The following NXPH1 variants were observed in gnomAD, a reference collection of about 807,000 sequenced individuals.
The protein encoded by NXPH1 is neurexophilin-1.
In NXPH1, 5 loss-of-function variants were observed where a neutral mutation model predicts 23.7. That is an observed-to-expected ratio of 0.21 (90% confidence interval 0.11 to 0.44). NXPH1 has a LOEUF of 0.44. NXPH1 is among the 20% of genes least tolerant of loss of function. The probability of loss-of-function intolerance (pLI) is 0.99; values close to 1 mark genes in which losing one functional copy is unlikely to be tolerated. For synonymous variants in NXPH1, 144 were observed against 122.2 expected, an observed-to-expected ratio of 1.18 and a Z score of -1.18; for missense variants, 324 against 321.6, an observed-to-expected ratio of 1.01 and a Z score of -0.06.
intron 2 of NXPH1, among the ~76,000 whole-genome samples, chr7:8,510,367 C>T (rs1429853869): frequency 6.6e-6 from 1 of 152,036 alleles, no homozygotes; most frequent in African/African-American, 2.4e-5. Flanking sequence ...CAACTACCTT[C>T]TGAGGTAACT....
intron 2 of NXPH1, among the ~76,000 whole-genome samples, chr7:8,626,423 C>T (rs1025547129): frequency 2.0e-5 from 3 of 150,252 alleles, no homozygotes; most frequent in African/African-American, 4.9e-5. Flanking sequence ...ACTTACCTTA[C>T]TCCAGATCTA....
chr7:8,523,444 C>CAA (rs1189654622), intron 2 of NXPH1, among the ~76,000 whole-genome samples: 1 of 152,150 alleles, frequency 6.6e-6, no homozygotes, highest in African/African-American at 2.4e-5. Context: ...TATGACTGTA[C>CAA]ATTTGTCCTT....
chr7:8,446,981 C>T (rs79433225), intron 2 of NXPH1, among the ~76,000 whole-genome samples: 543 of 152,064 alleles, frequency 3.6e-3, no homozygotes, highest in African/African-American at 0.012. Flanking sequence ...GAAACAGTGC[C>T]GTGACTTATC....
At position 8,487,051 on chromosome 7, in the gene NXPH1, T is replaced by C. The variant is rs561684571; in HGVS notation, c.54+51284T>C. 9.8e-5 allele frequency among the ~76,000 whole-genome samples: 15 copies of C among 152,286 alleles called. No individual in the cohort carries two copies. In the South Asian group the frequency reaches 3.1e-3, roughly 32 times the overall value. ...GTTTTTTTCATTTATCATTGCACAT[T>C]GAGAGCCTTTAGAGTACTTAACATA... On this transcript the variant is annotated intron_variant, in intron 2 of 2. Coordinates refer to ENST00000405863, the MANE Select transcript of NXPH1 (RefSeq NM_152745.3).
chr7:8,720,033 TA>T (rs1195639869), intron 2 of NXPH1, among the ~76,000 whole-genome samples: 1 of 152,186 alleles, frequency 6.6e-6, no homozygotes, highest in Non-Finnish European at 1.5e-5. Context: ...AGTGTCTGTA[TA>T]AGCACCTGGT....
At chr7:8,708,489 T>C (rs1196488982) in intron 2 of NXPH1, among the ~76,000 whole-genome samples, 1 of 152,122 alleles carries the variant, frequency 6.6e-6, no homozygotes, top group Non-Finnish European at 1.5e-5. Flanking sequence ...GCCTCCCGTG[T>C]AGCTGGGATT....
chr7:8,715,142 C>T (rs1287946787), intron 2 of NXPH1, among the ~76,000 whole-genome samples: 1 of 152,162 alleles, frequency 6.6e-6, no homozygotes, highest in Non-Finnish European at 1.5e-5. Context: ...GGCAATTCCC[C>T]TCTGGCTATG....
intron 2 of NXPH1, among the ~76,000 whole-genome samples, chr7:8,579,352 A>C (rs904069499): frequency 1.4e-5 from 2 of 144,478 alleles, no homozygotes; most frequent in African/African-American, 5.6e-5. Context: ...CATGGAATTC[A>C]AGTTTTTTTT....
intron 2 of NXPH1, among the ~76,000 whole-genome samples, chr7:8,666,137 A>G (rs897285209): frequency 2.6e-5 from 4 of 151,924 alleles, no homozygotes; most frequent in African/African-American, 9.7e-5. Context: ...ATCATAGATA[A>G]AAGCTTTCAA....
Position 8,687,936 on chromosome 7 carries a change from G to A in NXPH1, c.55-63072G>A, listed in dbSNP as rs551184840. Among the ~76,000 whole-genome samples the A allele has an allele frequency of 3.3e-5, 5 of 151,982 alleles. No homozygotes were observed. The South Asian group carries it at 8.3e-4, about 25-fold the overall frequency. On this transcript the variant is annotated intron_variant, in intron 2 of 2. Transcript: ENST00000405863. ...TCAGGCTCTGTTGCTTTTTTTCCACGTGGTACAAATACATGCAGAGTTGAT... is the reference window on the plus strand; with the variant it reads ...TCAGGCTCTGTTGCTTTTTTTCCACATGGTACAAATACATGCAGAGTTGAT...
chr7:8,662,193 C>T (rs1442902319), intron 2 of NXPH1, among the ~76,000 whole-genome samples: 1 of 150,108 alleles, frequency 6.7e-6, no homozygotes, highest in African/African-American at 2.5e-5. Context: ...TATATATACA[C>T]ACATATATAT....
At chr7:8,456,641 T>G (rs2128606249) in intron 2 of NXPH1, among the ~76,000 whole-genome samples, 1 of 152,332 alleles carries the variant, frequency 6.6e-6, no homozygotes, top group East Asian at 1.9e-4. Context: ...TTTTTTTGTC[T>G]ATTTGATTTT....
At chr7:8,559,079 C>T (rs1025581583) in intron 2 of NXPH1, among the ~76,000 whole-genome samples, 13 of 151,538 alleles carry the variant, frequency 8.6e-5, no homozygotes, top group Admixed American at 4.0e-4. Flanking sequence ...TGACTTCCAC[C>T]TCAGCCTGCT....
chr7:8,710,237 G>A (rs774589590), intron 2 of NXPH1, among the ~76,000 whole-genome samples: 68 of 152,280 alleles, frequency 4.5e-4, no homozygotes, highest in Non-Finnish European at 6.8e-4. Context: ...CAGACAGAAA[G>A]GTTGGGCAGC....
chr7:8,457,311 C>T (rs974699995), intron 2 of NXPH1, among the ~76,000 whole-genome samples: 8 of 152,120 alleles, frequency 5.3e-5, no homozygotes, highest in African/African-American at 1.2e-4. Context: ...AATCAGAGAG[C>T]CTCTTCCTAA....
chr7:8,573,977 T>C (rs576621851), intron 2 of NXPH1, among the ~76,000 whole-genome samples: 1 of 152,114 alleles, frequency 6.6e-6, no homozygotes, highest in Admixed American at 6.5e-5. Context: ...AGGTGTACTC[T>C]GGTGGTATAC....
At position 8,474,377 on chromosome 7, in the gene NXPH1, A is replaced by G. The variant is rs189098655; in HGVS notation, c.54+38610A>G. ...TTTATTAATAACTATTGTTTTATAT[A>G]TAGTACCAAATTGGGAAATATAGAG... On this transcript the variant is annotated intron_variant, in intron 2 of 2. Coordinates refer to ENST00000405863, the MANE Select transcript of NXPH1 (RefSeq NM_152745.3). Among the ~76,000 whole-genome samples the G allele has an allele frequency of 1.1e-4, 17 of 152,256 alleles. No individual in the cohort carries two copies. The South Asian group carries it at 2.7e-3, about 24-fold the overall frequency.
chr7:8,454,912 T>C (rs901645837), intron 2 of NXPH1, among the ~76,000 whole-genome samples: 1 of 152,200 alleles, frequency 6.6e-6, no homozygotes, highest in Admixed American at 6.5e-5. Context: ...TAGTAAGTTG[T>C]ATTTCAGAGA....
chr7:8,724,905 T>C lies in NXPH1; in HGVS notation c.55-26103T>C, dbSNP rs1467669938. ...ACACCATGCTTTAAGAACCTGGGAA[T>C]TGAGGAAAATGGTGATGCAAGACCA... is the stretch of plus-strand genomic sequence containing the variant. On this transcript the variant is annotated intron_variant, in intron 2 of 2. Coordinates refer to ENST00000405863, the MANE Select transcript of NXPH1 (RefSeq NM_152745.3). 3.9e-5 allele frequency among the ~76,000 whole-genome samples: 6 copies of C among 152,184 alleles called. No individual in the cohort carries two copies. In the East Asian group the frequency reaches 5.8e-4, roughly 15 times the overall value.
Sources: allele counts gnomAD v4.1 joint callset (sites outside exome capture counted in the v4.1 genomes callset), GRCh38; gene constraint gnomAD v4.1.1; transcripts MANE v1.5; gene names NCBI Gene and HGNC (gene_info 2026-07-23, HGNC 2026-07-21).